Variants in LOXHD1 observed in about 807,000 individuals in gnomAD.
LOXHD1 encodes lipoxygenase homology domain-containing protein 1.
LOXHD1 carries 205 observed loss-of-function variants against 248.2 expected under a neutral mutation model. The ratio of observed to expected loss-of-function variants is 0.83; its 90% CI spans 0.74 to 0.93. The LOEUF (loss-of-function observed/expected upper bound fraction) is 0.93, where lower values mean the gene tolerates loss of function less well. Among genes scored for constraint, LOXHD1 ranks in the 40% least tolerant of loss-of-function variants. The pLI, the probability that LOXHD1 is intolerant of heterozygous loss-of-function variation, is 0.00. For missense variants in LOXHD1, 2,930 were observed against 2,971.6 expected (o/e 0.99, Z 0.33); for synonymous variants, 1,113 against 1,162.8 (o/e 0.96, Z 0.87).
At chr18:46,493,260 G>C (rs1416725675) in intron 37 of LOXHD1, among the ~76,000 whole-genome samples, 6 of 152,224 alleles carry the variant, frequency 3.9e-5, no homozygotes, top group African/African-American at 1.4e-4. Flanking sequence ...TGAGATGTCA[G>C]ATCAAATATT....
intron 37 of LOXHD1, among the ~76,000 whole-genome samples, chr18:46,502,381 G>C (rs1430120644): frequency 1.3e-5 from 2 of 152,188 alleles, no homozygotes; most frequent in Non-Finnish European, 2.9e-5. Context: ...GGTTAATTAG[G>C]TGGAGTTCAG....
intron 19 of LOXHD1, 35 bp downstream of exon 19, chr18:46,560,048 T>TGCCTGCC: frequency 8.2e-7 from 1 of 1,226,298 alleles, no homozygotes; most frequent in Non-Finnish European, 1.1e-6. Context: ...GTCTGGCCAC[T>TGCCTGCC]CCCTCCCCAC....
At chr18:46,580,468 G>A (rs1352218041) in intron 12 of LOXHD1, among the ~76,000 whole-genome samples, 1 of 152,204 alleles carries the variant, frequency 6.6e-6, no homozygotes, top group Admixed American at 6.5e-5. Context: ...TACTGTGGAG[G>A]GGGTAGACCT....
In LOXHD1 at chr18:46,541,761, G is replaced by A. The variant is rs749262906; in HGVS notation, c.3913+15C>T. On this transcript the variant is annotated intron_variant, in intron 25 of 40. Transcript: ENST00000642948. ...GCCCCAGAGAAGGGCTGGCCTTGCC[G>A]TGTGTGGTTCCTACATGGTGTGTAC... 1.7e-5 allele frequency: 26 copies of A among 1,551,468 alleles called. No homozygotes were observed. Among genetic ancestry groups the A allele is most frequent in the African/African-American group, 2.7e-5 (2 of 73,056 alleles).
In LOXHD1 at chr18:46,588,139, T is replaced by A. The variant is rs558679324; in HGVS notation, c.1654+3794A>T. On this transcript the variant is annotated intron_variant, in intron 12 of 40. Transcript: ENST00000642948. Reference sequence around the variant, plus strand: ...GCATTGTCACCAGCTCTATTTATTGTTAGAAAACATTCCAACCAGAAAAGG... The same window carrying A: ...GCATTGTCACCAGCTCTATTTATTGATAGAAAACATTCCAACCAGAAAAGG... Among the ~76,000 whole-genome samples, 4 of 152,186 alleles carry A rather than the reference T, an allele frequency of 2.6e-5. No individual in the cohort carries two copies. The East Asian group carries it at 7.8e-4, about 30-fold the overall frequency.
rs537363385 is a variant in LOXHD1, at chr18:46,653,062, C to T, written c.131-3793G>A. 3.4e-4 allele frequency among the ~76,000 whole-genome samples: 52 copies of T among 152,222 alleles called. No homozygotes were observed. The South Asian group carries it at 5.6e-3, about 16-fold the overall frequency. On this transcript the variant is annotated intron_variant, in intron 1 of 40. Coordinates refer to ENST00000642948, the MANE Select transcript of LOXHD1 (RefSeq NM_001384474.1). ...GTCAGTTCAAGACCAGGCTGACCAACGTGGTGAAACCCCGTCTCTACTAAA... is the reference window on the plus strand; with the variant it reads ...GTCAGTTCAAGACCAGGCTGACCAATGTGGTGAAACCCCGTCTCTACTAAA...
intron 39 of LOXHD1, among the ~76,000 whole-genome samples, chr18:46,484,209 T>A (rs1406382731): frequency 2.0e-5 from 3 of 152,066 alleles, no homozygotes; most frequent in Admixed American, 2.0e-4. Flanking sequence ...TGGGGGTAAG[T>A]GCCAGTCTAA....
intron 12 of LOXHD1, among the ~76,000 whole-genome samples, chr18:46,588,888 G>A (rs1457762762): frequency 6.6e-6 from 1 of 152,180 alleles, no homozygotes; most frequent in Admixed American, 6.5e-5. Context: ...GAGGTCAAGG[G>A]TGAGGTGAAG....
At chr18:46,603,625 A>C (rs965478784) in intron 7 of LOXHD1, among the ~76,000 whole-genome samples, 1 of 152,180 alleles carries the variant, frequency 6.6e-6, no homozygotes, top group African/African-American at 2.4e-5. Context: ...ATCACTTGCC[A>C]GCTGTGTGCC....
chr18:46,529,837 A>G (rs537024244), intron 28 of LOXHD1, among the ~76,000 whole-genome samples: 2 of 151,716 alleles, frequency 1.3e-5, no homozygotes, highest in Non-Finnish European at 2.9e-5. Context: ...TTATTCTCCA[A>G]CCCACTGCCA....
At chr18:46,518,340 G>A (rs958993748) in intron 33 of LOXHD1, 84 bp from the exon 34 acceptor site, 75 of 1,474,306 alleles carry the variant, frequency 5.1e-5, no homozygotes, top group Non-Finnish European at 6.7e-5. Context: ...CAGAGAAAGA[G>A]ACACACTGTC....
At chr18:46,631,995 A>G (rs995404702) in intron 4 of LOXHD1, among the ~76,000 whole-genome samples, 6 of 152,212 alleles carry the variant, frequency 3.9e-5, no homozygotes, top group African/African-American at 1.4e-4. Flanking sequence ...CACAGGAGCC[A>G]ACACAATCTG....
intron 20 of LOXHD1, chr18:46,557,824 G>C (rs11082537): frequency 0.06 from 76,567 of 1,278,132 alleles, 2,573 homozygotes; most frequent in South Asian, 0.12. Context: ...GTGCAAGAGA[G>C]GGGGGTGCAC....
At chr18:46,573,656 T>A (rs537436165) in intron 14 of LOXHD1, among the ~76,000 whole-genome samples, 37 of 151,900 alleles carry the variant, frequency 2.4e-4, no homozygotes, top group Admixed American at 7.2e-4. Context: ...CAAACTGCAA[T>A]ACTCTCTGCT....
At position 46,524,608 on chromosome 18, in the gene LOXHD1, G is replaced by A. The variant is rs950337152; in HGVS notation, c.4741-7C>T. 6.4e-6 allele frequency: 10 copies of A among 1,551,600 alleles called. 1 individual carries two copies. In the Admixed American group the frequency reaches 1.8e-4, roughly 27 times the overall value. ...TGCGGTCCCCAGTGTACTCCTGTGT[G>A]GGAGAGCAGGACTGGCAGTTGCAGC... On this transcript the variant is annotated splice_region_variant and splice_polypyrimidine_tract_variant and intron_variant, in intron 30 of 40. Coordinates refer to ENST00000642948, the MANE Select transcript of LOXHD1 (RefSeq NM_001384474.1).
At chr18:46,570,941 G>A (rs2144090625) in intron 15 of LOXHD1, among the ~76,000 whole-genome samples, 1 of 152,184 alleles carries the variant, frequency 6.6e-6, no homozygotes, top group East Asian at 1.9e-4. Context: ...GGGGCTTGCT[G>A]GACTGGGAAG....
intron 19 of LOXHD1, 82 bp downstream of exon 19, chr18:46,560,001 G>T: frequency 6.9e-7 from 1 of 1,449,194 alleles, no homozygotes; most frequent in Middle Eastern, 2.3e-4. Context: ...GGGGGATCTA[G>T]GCCCCCTGCC....
rs759675024 is a variant in LOXHD1 at position 46,522,323 on chromosome 18, C to T, written c.4877-14G>A. On this transcript the variant is annotated splice_polypyrimidine_tract_variant and intron_variant, in intron 31 of 40. Transcript: ENST00000642948. Reference sequence around the variant, plus strand: ...AGTAGGGAATAACTGCAAGAGATCACGGGGCTCAGGTTCATAACAGACCAG... The same window carrying T: ...AGTAGGGAATAACTGCAAGAGATCATGGGGCTCAGGTTCATAACAGACCAG... 2.9e-5 allele frequency: 45 copies of T among 1,549,768 alleles called. No homozygotes were observed. The highest frequency in any genetic ancestry group is 7.8e-5 in the Admixed American group (4 of 50,982).
At chr18:46,578,416 T>A (rs2037899979) in intron 13 of LOXHD1, among the ~76,000 whole-genome samples, 1 of 151,648 alleles carries the variant, frequency 6.6e-6, no homozygotes, top group African/African-American at 2.4e-5. Context: ...GAGTAAAGAG[T>A]AGGGAAGGCT....
Sources: allele counts gnomAD v4.1 joint callset (sites outside exome capture counted in the v4.1 genomes callset), GRCh38; gene constraint gnomAD v4.1.1; transcripts MANE v1.5; gene names NCBI Gene and HGNC (gene_info 2026-07-23, HGNC 2026-07-21).